Variants in WDR25 observed in about 807,000 individuals in gnomAD.
WDR25 encodes the protein WD repeat domain 25.
Under a neutral mutation model 47.7 loss-of-function variants are expected in WDR25, and 35 were observed. The ratio of observed to expected loss-of-function variants is 0.73; its 90% CI spans 0.56 to 0.97. The LOEUF (loss-of-function observed/expected upper bound fraction) is 0.97, where lower values mean the gene tolerates loss of function less well. WDR25 is among the 50% of genes least tolerant of loss of function. The pLI, the probability that WDR25 is intolerant of heterozygous loss-of-function variation, is 0.00. For missense variants in WDR25, 634 were observed against 704.7 expected (o/e 0.90, Z 1.14); for synonymous variants, 248 against 278.9 (o/e 0.89, Z 1.10).
intron 2 of WDR25, among the ~76,000 whole-genome samples, chr14:100,460,152 G>T (rs867866059): frequency 6.9e-6 from 1 of 144,036 alleles, no homozygotes; most frequent in African/African-American, 2.6e-5. Context: ...TCGCTCTGTC[G>T]CCCAGGCTGG....
intron 4 of WDR25, among the ~76,000 whole-genome samples, chr14:100,496,560 A>C (rs1387954321): frequency 6.6e-6 from 1 of 152,042 alleles, no homozygotes; most frequent in East Asian, 1.9e-4. Context: ...TAAGGAGGCA[A>C]GTTAGGCCAT....
intron 2 of WDR25, among the ~76,000 whole-genome samples, chr14:100,415,300 C>T (rs1897838623): frequency 1.3e-5 from 2 of 152,084 alleles, no homozygotes; most frequent in African/African-American, 2.4e-5. Flanking sequence ...TCTAAACTAA[C>T]CAGAGAAGGG....
chr14:100,392,956 AG>A lies in WDR25; in HGVS notation c.822+11212del, dbSNP rs746384525. Among the ~76,000 whole-genome samples the A allele has an allele frequency of 6.6e-5, 10 of 152,232 alleles. No homozygotes were observed. The highest frequency in any genetic ancestry group is 1.5e-4 in the Non-Finnish European group (10 of 68,042). ...GTCTCTTGTCAGATTGCTTTCCAAA[AG>A]GATTATACCAATTTGCACTGCCACC... is the stretch of plus-strand genomic sequence containing the variant. On this transcript the variant is annotated intron_variant, in intron 2 of 6. Coordinates refer to ENST00000402312, the MANE Select transcript of WDR25 (RefSeq NM_001161476.3). This position sits in a 1 kb window ranked among gnomAD's most constrained non-coding sequence, Gnocchi z 4.2.
At chr14:100,486,495 G>A (rs533606993) in intron 4 of WDR25, among the ~76,000 whole-genome samples, 39 of 152,154 alleles carry the variant, frequency 2.6e-4, no homozygotes, top group African/African-American at 7.0e-4. Flanking sequence ...ACTGGGTCAC[G>A]GGGCTCGTTC....
chr14:100,495,319 T>C (rs1900697132), intron 4 of WDR25, among the ~76,000 whole-genome samples: 1 of 152,186 alleles, frequency 6.6e-6, no homozygotes, highest in Non-Finnish European at 1.5e-5. Flanking sequence ...ACCGTGTCAT[T>C]GTATCCAGTC....
At chr14:100,423,661 A>G (rs1898087757) in intron 2 of WDR25, among the ~76,000 whole-genome samples, 2 of 152,326 alleles carry the variant, frequency 1.3e-5, no homozygotes, top group Middle Eastern at 3.4e-3. Context: ...GACTACTTTT[A>G]ATTTAATCTG....
chr14:100,398,403 T>C lies in WDR25; in HGVS notation c.822+16657T>C, dbSNP rs1595499646. ...ATGATAGTTAAGCCCTATCGGAGCATTGGTTTTATATGAAAAAGATAAATC... is the reference window on the plus strand; with the variant it reads ...ATGATAGTTAAGCCCTATCGGAGCACTGGTTTTATATGAAAAAGATAAATC... On this transcript the variant is annotated intron_variant, in intron 2 of 6. Coordinates refer to ENST00000402312, the MANE Select transcript of WDR25 (RefSeq NM_001161476.3). Among the ~76,000 whole-genome samples, 6 of 152,280 alleles carry C rather than the reference T, an allele frequency of 3.9e-5. No homozygotes were observed. In the Middle Eastern group the frequency reaches 0.014, roughly 345 times the overall value.
chr14:100,405,543 AG>A (rs1407903767), intron 2 of WDR25, among the ~76,000 whole-genome samples: 1 of 152,166 alleles, frequency 6.6e-6, no homozygotes, highest in Non-Finnish European at 1.5e-5. Flanking sequence ...GGCCCCCTGG[AG>A]GATCAGTAAC....
At chr14:100,465,909 C>T (rs190991131) in intron 2 of WDR25, among the ~76,000 whole-genome samples, 1 of 152,328 alleles carries the variant, frequency 6.6e-6, no homozygotes, top group African/African-American at 2.4e-5. Flanking sequence ...CTAATGGGTA[C>T]AAGGTGGTGT....
intron 4 of WDR25, among the ~76,000 whole-genome samples, chr14:100,508,376 C>T (rs998961794): frequency 6.6e-6 from 1 of 152,096 alleles, no homozygotes; most frequent in African/African-American, 2.4e-5. Flanking sequence ...GACAAGGGTG[C>T]CTACTCTCAC....
At position 100,529,941 on chromosome 14, in the gene WDR25, A is replaced by T. The variant is rs745999970; in HGVS notation, c.1535A>T (p.Gln512Leu). Reference sequence around the variant, plus strand: ...ACAGCCAGCCGAGCATGCACACTGCAGGGGCACACACAGGCCTGTGTCGGC... The same window carrying T: ...ACAGCCAGCCGAGCATGCACACTGCTGGGGCACACACAGGCCTGTGTCGGC... ...FRTASRACTL[Q>L]GHTQACVGTT... Residue 512 changes from glutamine to leucine, a missense_variant, in exon 7 of 7, where the codon CAG becomes CTG. By Grantham distance (113) the Gln-to-Leu change is moderately radical. Transcript: ENST00000402312. The surrounding 1 kb of genome is among the most constrained non-coding windows in gnomAD (Gnocchi z 5.1). 6.2e-7 allele frequency: 1 copy of T among 1,613,542 alleles called. No individual in the cohort carries two copies. The highest frequency in any genetic ancestry group is 8.5e-7 in the Non-Finnish European group (1 of 1,180,030).
At chr14:100,446,025 C>A (rs1197991759) in intron 2 of WDR25, among the ~76,000 whole-genome samples, 2 of 152,196 alleles carry the variant, frequency 1.3e-5, no homozygotes, top group Non-Finnish European at 2.9e-5. Flanking sequence ...TGACCCCAAG[C>A]CTTTGGGTTA....
At position 100,525,851 on chromosome 14, in the gene WDR25, C is replaced by G. The variant is rs2030097728; in HGVS notation, c.1102-19C>G. The G allele has an allele frequency of 9.9e-6, 16 of 1,611,054 alleles. No homozygotes were observed. The highest frequency in any genetic ancestry group is 1.4e-5 in the Non-Finnish European group (16 of 1,177,828). ...CGTGCTGCCAGGCCTGCCAGCATGA[C>G]CGGTGTCCGCTCTTGCAGGTGATGA... On this transcript the variant is annotated intron_variant, in intron 4 of 6. Transcript: ENST00000402312. This position sits in a 1 kb window ranked among gnomAD's most constrained non-coding sequence, Gnocchi z 4.6.
chr14:100,424,453 C>T lies in WDR25; in HGVS notation c.822+42707C>T, dbSNP rs941925. Among the ~76,000 whole-genome samples, 57,141 of 152,112 alleles carry T rather than the reference C, an allele frequency of 0.38. 12,897 individuals carry two copies. The highest frequency in any genetic ancestry group is 0.67 in the South Asian group (3,214 of 4,826). ...GGACAATCCTTTGCTACTGGGGACC[C>T]GCCACTGACCCCAGGGCTTTCTTGT... is the stretch of plus-strand genomic sequence containing the variant. On this transcript the variant is annotated intron_variant, in intron 2 of 6. Transcript: ENST00000402312. The surrounding 1 kb of genome is among the most constrained non-coding windows in gnomAD (Gnocchi z 4.2).
rs1203111618 is a variant in WDR25, at chr14:100,488,124, G to C, written c.1101+4000G>C. Among the ~76,000 whole-genome samples the C allele has an allele frequency of 6.6e-6, 1 of 152,152 alleles. No homozygotes were observed. The highest frequency in any genetic ancestry group is 6.5e-5 in the Admixed American group (1 of 15,280). ...TGGCTCCCTGTCTCCTCTTCTTGGT[G>C]ATCTTGGGTGATCTCTCCGCCTCGG... On this transcript the variant is annotated intron_variant, in intron 4 of 6. Transcript: ENST00000402312. The surrounding 1 kb of genome is among the most constrained non-coding windows in gnomAD (Gnocchi z 4.2).
In WDR25 at chr14:100,529,720, T is replaced by C; in HGVS notation, c.1414-100T>C. 7.4e-7 allele frequency: 1 copy of C among 1,344,980 alleles called. No individual in the cohort carries two copies. The highest frequency in any genetic ancestry group is 2.5e-5 in the East Asian group (1 of 40,288). 83.3% of individuals were successfully genotyped at this position (1,344,980 alleles called of 1,614,324 possible). A position where few individuals can be genotyped will look rare whatever the true frequency, so the allele number is the denominator to read the frequency against. On this transcript the variant is annotated intron_variant, in intron 6 of 6. Transcript: ENST00000402312. This position sits in a 1 kb window ranked among gnomAD's most constrained non-coding sequence, Gnocchi z 5.1. The stretch of plus-strand genomic sequence containing the variant: ...CACGAGGTGCGAAGCCCAGCTCTGC[T>C]CCGTCAGCTCGGGGCTTCAGCCTGC...
In WDR25 at chr14:100,526,037, C is replaced by A; in HGVS notation, c.1269C>A (p.Phe423Leu). ...RTSAKISNQIFHERFTCPSLA... is the reference protein window; with the variant it reads ...RTSAKISNQILHERFTCPSLA... ...CTGCCAAAATCTCCAACCAGATTTTCCACGTAAGAAATCCCATTTGGCATT... is the reference window on the plus strand; with the variant it reads ...CTGCCAAAATCTCCAACCAGATTTTACACGTAAGAAATCCCATTTGGCATT... The change falls in exon 5 of 7, where the codon TTC becomes TTA. Residue 423 changes from phenylalanine (F) to leucine (L), a missense_variant. Transcript: ENST00000402312. 6.2e-7 allele frequency: 1 copy of A among 1,614,040 alleles called. No individual in the cohort carries two copies. The highest frequency in any genetic ancestry group is 1.3e-5 in the African/African-American group (1 of 75,062).
chr14:100,524,829 C>T (rs2030035626), intron 4 of WDR25, among the ~76,000 whole-genome samples: 1 of 152,220 alleles, frequency 6.6e-6, no homozygotes, highest in African/African-American at 2.4e-5. Flanking sequence ...TGGGCCTCAA[C>T]CTCCTCCTCC....
intron 2 of WDR25, among the ~76,000 whole-genome samples, chr14:100,396,425 C>G (rs1050429066): frequency 2.0e-5 from 3 of 152,182 alleles, no homozygotes; most frequent in Non-Finnish European, 2.9e-5. Flanking sequence ...TAAAGCAAGA[C>G]AGACCATGAA....
Sources: gnomAD v4.1 joint callset for allele counts (sites outside exome capture counted in the v4.1 genomes callset) on GRCh38, gnomAD v4.1.1 for gene constraint, Gnocchi (gnomAD v3.1) non-coding constraint, MANE v1.5 for transcripts, NCBI Gene and HGNC (gene_info 2026-07-23, HGNC 2026-07-21) for gene names.